Variants in SULF2 observed in about 807,000 individuals in gnomAD.
SULF2 encodes sulfatase 2.
Under a neutral mutation model 107.7 loss-of-function variants are expected in SULF2, and 52 were observed. That is an observed-to-expected ratio of 0.48 (90% CI 0.39 to 0.61). The LOEUF (loss-of-function observed/expected upper bound fraction) is 0.61, where lower values mean the gene tolerates loss of function less well. Among genes scored for constraint, SULF2 ranks in the 20% least tolerant of loss-of-function variants. The probability of loss-of-function intolerance (pLI) is 0.00; values close to 1 mark genes in which losing one functional copy is unlikely to be tolerated. For missense variants in SULF2, 993 were observed against 1,177.3 expected (o/e 0.84, Z 2.29); for synonymous variants, 460 against 464.3 (o/e 0.99, Z 0.12).
rs542337500 is a variant in SULF2, at chr20:47,745,826, G to C, written c.176-8884C>G. On this transcript the variant is annotated intron_variant, in intron 2 of 20. Transcript: ENST00000688720. ...ATTACAGGAGTGAGCCACTGTGCCC[G>C]GCCACATGTCAGCTTTTCAACAAGT... Among the ~76,000 whole-genome samples, 6 of 152,160 alleles carry C rather than the reference G, an allele frequency of 3.9e-5. No homozygotes were observed. The South Asian group carries it at 8.3e-4, about 21-fold the overall frequency.
chr20:47,772,835 C>T (rs1017632445), intron 1 of SULF2, among the ~76,000 whole-genome samples: 14 of 152,176 alleles, frequency 9.2e-5, no homozygotes, highest in African/African-American at 2.7e-4. Flanking sequence ...TGGAGGCCAC[C>T]GGTCTGGCAC....
At chr20:47,720,050 G>A (rs769711484) in intron 3 of SULF2, among the ~76,000 whole-genome samples, 20 of 152,066 alleles carry the variant, frequency 1.3e-4, no homozygotes, top group Admixed American at 1.3e-3. Context: ...CCAGGTTCAC[G>A]CCATTCTCCC....
intron 2 of SULF2, among the ~76,000 whole-genome samples, chr20:47,748,670 G>A (rs2090098993): frequency 6.6e-6 from 1 of 152,154 alleles, no homozygotes; most frequent in Non-Finnish European, 1.5e-5. Flanking sequence ...GGTTGGATTT[G>A]ACTGACAAGG....
intron 3 of SULF2, among the ~76,000 whole-genome samples, chr20:47,730,847 C>T (rs189529416): frequency 5.6e-4 from 86 of 152,238 alleles, no homozygotes; most frequent in African/African-American, 2.0e-3. Context: ...TTCCAGCAGC[C>T]CTTGATTTCT....
In SULF2 at chr20:47,741,131, G is replaced by A. The variant is rs749009077; in HGVS notation, c.176-4189C>T. Among the ~76,000 whole-genome samples the A allele has an allele frequency of 4.6e-5, 7 of 152,146 alleles. No individual in the cohort carries two copies. The South Asian group carries it at 6.2e-4, about 14-fold the overall frequency. ...TGGACTCCAGTCACTTATTCCCCAC[G>A]GTGTAGCCAGAGTCTCCTCTCCTGA... is the stretch of plus-strand genomic sequence containing the variant. On this transcript the variant is annotated intron_variant, in intron 2 of 20. Transcript: ENST00000688720.
chr20:47,703,819 T>C (rs1444083771), intron 3 of SULF2, among the ~76,000 whole-genome samples: 1 of 152,176 alleles, frequency 6.6e-6, no homozygotes. Context: ...GAAGGCTACA[T>C]TGAAACTTGA....
At chr20:47,772,680 C>G (rs957800394) in intron 1 of SULF2, among the ~76,000 whole-genome samples, 1 of 151,840 alleles carries the variant, frequency 6.6e-6, no homozygotes, top group Non-Finnish European at 1.5e-5. Context: ...TATCCTGAAT[C>G]TAGGCCACTT....
At chr20:47,745,863 C>T (rs184965202) in intron 2 of SULF2, among the ~76,000 whole-genome samples, 22 of 152,228 alleles carry the variant, frequency 1.4e-4, no homozygotes, top group Admixed American at 2.6e-4. Context: ...TCGTCTCACG[C>T]GGAGTTAAAA....
intron 13 of SULF2, 138 bp from the exon 14 acceptor site, chr20:47,665,431 C>A (rs894716617): frequency 4.4e-6 from 3 of 688,004 alleles, no homozygotes; most frequent in African/African-American, 1.8e-5. Context: ...GGGCAAGCAC[C>A]GGCATGTCTG....
rs532103508 is a variant in SULF2, at chr20:47,687,121, A to G, written c.738-2540T>C. 3.3e-5 allele frequency among the ~76,000 whole-genome samples: 5 copies of G among 152,304 alleles called. No homozygotes were observed. The South Asian group carries it at 1.0e-3, about 32-fold the overall frequency. ...TTCAGCAATCATCCCTGAATCCATGAGAAGTTAGGCTGACATCGGCCCTCG... is the reference window on the plus strand; with the variant it reads ...TTCAGCAATCATCCCTGAATCCATGGGAAGTTAGGCTGACATCGGCCCTCG... On this transcript the variant is annotated intron_variant, in intron 5 of 20. Transcript: ENST00000688720.
chr20:47,774,361 C>T (rs2146979182), intron 1 of SULF2, among the ~76,000 whole-genome samples: 1 of 152,316 alleles, frequency 6.6e-6, no homozygotes, highest in East Asian at 1.9e-4. Context: ...GGCAGTGTCA[C>T]TGGTGAGGCG....
intron 3 of SULF2, among the ~76,000 whole-genome samples, chr20:47,713,703 T>C (rs1294242527): frequency 3.3e-5 from 5 of 151,796 alleles, no homozygotes; most frequent in East Asian, 1.9e-4. Flanking sequence ...TGAGCCATGA[T>C]TGTGCCACTG....
Position 47,661,762 on chromosome 20 carries a change from T to C in SULF2, c.2494+11A>G. 6.6e-7 allele frequency: 1 copy of C among 1,524,038 alleles called. No individual in the cohort carries two copies. The allele number at this position is 1,524,038 out of a possible 1,614,324, so 94.4% of individuals were successfully genotyped here. A position where few individuals can be genotyped will look rare whatever the true frequency, so the allele number is the denominator to read the frequency against. ...GCTGTCCAAGGGCCCCACGTTGGGG[T>C]GCCTACTCACCCAGGTCCATGTTTC... On this transcript the variant is annotated intron_variant, in intron 18 of 20. Transcript: ENST00000688720.
At chr20:47,701,520 AC>A (rs1490846316) in intron 4 of SULF2, among the ~76,000 whole-genome samples, 2 of 152,218 alleles carry the variant, frequency 1.3e-5, no homozygotes, top group African/African-American at 4.8e-5. Flanking sequence ...CTCAGGCAGC[AC>A]CCACTCACTC....
At chr20:47,667,363 C>T (rs1014255469) in intron 11 of SULF2, among the ~76,000 whole-genome samples, 15 of 152,250 alleles carry the variant, frequency 9.9e-5, no homozygotes, top group Admixed American at 5.2e-4. Context: ...CTTTTGCATA[C>T]GCCCTGACGC....
chr20:47,708,031 G>A (rs1043639491), intron 3 of SULF2, among the ~76,000 whole-genome samples: 10 of 152,194 alleles, frequency 6.6e-5, no homozygotes, highest in Admixed American at 3.9e-4. Flanking sequence ...GGGAAGGTAT[G>A]CATGCCTGTA....
At chr20:47,669,027 C>A (rs1268094562) in intron 11 of SULF2, among the ~76,000 whole-genome samples, 1 of 152,226 alleles carries the variant, frequency 6.6e-6, no homozygotes, top group Non-Finnish European at 1.5e-5. Context: ...GCCGCCACCC[C>A]TCTCTGCTAG....
chr20:47,774,061 A>C (rs1292211153), intron 1 of SULF2, among the ~76,000 whole-genome samples: 1 of 152,272 alleles, frequency 6.6e-6, no homozygotes, highest in Non-Finnish European at 1.5e-5. Flanking sequence ...CCTTGGAAAC[A>C]GCCCGACACT....
At chr20:47,670,937 C>T (rs1236522029) in intron 11 of SULF2, among the ~76,000 whole-genome samples, 3 of 152,016 alleles carry the variant, frequency 2.0e-5, no homozygotes, top group Non-Finnish European at 4.4e-5. Context: ...GTCCTTAGGC[C>T]AGAGAAATGG....
Sources: allele counts gnomAD v4.1 joint callset (sites outside exome capture counted in the v4.1 genomes callset), GRCh38; gene constraint gnomAD v4.1.1; transcripts MANE v1.5; gene names NCBI Gene and HGNC (gene_info 2026-07-23, HGNC 2026-07-21).